Variants in PKIB observed in about 807,000 individuals in gnomAD.
PKIB encodes cAMP-dependent protein kinase inhibitor beta, also known as PKI-beta.
Under a neutral mutation model 4.5 loss-of-function variants are expected in PKIB, and 2 were observed. The observed-to-expected ratio is 0.44, with a 90% CI of 0.18 to 1.39. The LOEUF (loss-of-function observed/expected upper bound fraction) is 1.39. PKIB is among the 40% of genes most tolerant of loss of function. The pLI is 0.27. For synonymous variants in PKIB, 38 were observed against 36.0 expected (o/e 1.06, Z -0.20); for missense variants, 94 against 92.6 (o/e 1.02, Z -0.06).
chr6:122,494,845 A>G (rs1282803195), intron 2 of PKIB, among the ~76,000 whole-genome samples: 2 of 151,974 alleles, frequency 1.3e-5, no homozygotes, highest in Non-Finnish European at 2.9e-5. Flanking sequence ...GTGTCCCCAG[A>G]GGATCCACAC....
intron 3 of PKIB, chr6:122,701,630 C>G: frequency 9.5e-7 from 1 of 1,050,968 alleles, no homozygotes. Flanking sequence ...GGTACCCTTG[C>G]CAAATAACTC....
At chr6:122,600,695 G>T (rs1250921159) in intron 3 of PKIB, among the ~76,000 whole-genome samples, 1 of 151,984 alleles carries the variant, frequency 6.6e-6, no homozygotes, top group Non-Finnish European at 1.5e-5. Flanking sequence ...CTATGACCAA[G>T]ACCAACATTA....
At chr6:122,585,641 G>C (rs1219798009) in intron 2 of PKIB, 1 of 152,018 alleles carries the variant, frequency 6.6e-6, no homozygotes, top group Admixed American at 6.6e-5. Context: ...CTATAGAAGT[G>C]AAATTAATTA....
chr6:122,502,531 G>A lies in PKIB; in HGVS notation c.-248+24592G>A, dbSNP rs62424309. ...AGAACAGAAGAGAGAGAGAGTGAAG[G>A]GGGAAGTGCTACACACTTTTAAATA... On this transcript the variant is annotated intron_variant, in intron 2 of 6. Transcript: ENST00000392491. Among the ~76,000 whole-genome samples the A allele has an allele frequency of 1.1e-4, 17 of 151,726 alleles. No homozygotes were observed. In the South Asian group the frequency reaches 3.5e-3, roughly 32 times the overall value.
At chr6:122,599,888 C>T (rs1835472) in intron 3 of PKIB, among the ~76,000 whole-genome samples, 59,816 of 151,764 alleles carry the variant, frequency 0.39, 12,386 homozygotes, top group South Asian at 0.58. Context: ...AGAACTCCAT[C>T]CTTAATATTC....
At chr6:122,619,524 T>C (rs2114784077) in intron 1 of PKIB, among the ~76,000 whole-genome samples, 1 of 152,192 alleles carries the variant, frequency 6.6e-6, no homozygotes. Flanking sequence ...GGAACTTACC[T>C]TTCTCATAGC....
At chr6:122,486,518 A>G (rs975224572) in intron 2 of PKIB, among the ~76,000 whole-genome samples, 4 of 151,982 alleles carry the variant, frequency 2.6e-5, no homozygotes, top group African/African-American at 9.7e-5. Context: ...CTATGTTCCA[A>G]TAGTATCTAA....
chr6:122,654,711 T>C (rs1041427534), intron 2 of PKIB, among the ~76,000 whole-genome samples: 1 of 152,230 alleles, frequency 6.6e-6, no homozygotes, highest in African/African-American at 2.4e-5. Flanking sequence ...TCAGTTGTTA[T>C]ATTTTTCTGT....
chr6:122,681,412 AT>A (rs1582806845), intron 3 of PKIB, among the ~76,000 whole-genome samples: 1 of 152,204 alleles, frequency 6.6e-6, no homozygotes, highest in African/African-American at 2.4e-5. Context: ...GAAAAAGGAC[AT>A]TTCTTTTACA....
intron 3 of PKIB, among the ~76,000 whole-genome samples, chr6:122,592,231 T>C (rs868269042): frequency 2.1e-4 from 32 of 152,090 alleles, no homozygotes; most frequent in Admixed American, 1.2e-3. Flanking sequence ...ATCATTTACA[T>C]AGAGGATAAA....
intron 2 of PKIB, among the ~76,000 whole-genome samples, chr6:122,667,468 C>T (rs372410590): frequency 2.9e-4 from 44 of 152,028 alleles, no homozygotes; most frequent in East Asian, 9.7e-4. Context: ...ACCCGGGAGG[C>T]GGAGCTTGCA....
chr6:122,659,413 T>C (rs1776898885), intron 2 of PKIB, among the ~76,000 whole-genome samples: 1 of 152,206 alleles, frequency 6.6e-6, no homozygotes, highest in Admixed American at 6.5e-5. Context: ...TTGTGCATAA[T>C]CGATCTATGG....
chr6:122,723,396 A>T (rs1189428017), intron 4 of PKIB, among the ~76,000 whole-genome samples: 1 of 152,132 alleles, frequency 6.6e-6, no homozygotes, highest in African/African-American at 2.4e-5. Context: ...GCATTTTCCC[A>T]TCTCTGAGTG....
rs976420718 is a variant in PKIB at position 122,614,323 on chromosome 6, A to G, written c.-161+3788A>G. ...AAGGAAATGGAGATTCTTTAAGACA[A>G]TGTGGTCTGTAGCCAAGATAGTTTT... is the stretch of plus-strand genomic sequence containing the variant. On this transcript the variant is annotated intron_variant, in intron 1 of 4. Transcript: ENST00000368452. Among the ~76,000 whole-genome samples the G allele has an allele frequency of 7.2e-5, 11 of 152,210 alleles. 1 individual carries two copies. The South Asian group carries it at 8.3e-4, about 11-fold the overall frequency.
At chr6:122,644,879 T>C (rs1170667884) in intron 2 of PKIB, 1 of 152,234 alleles carries the variant, frequency 6.6e-6, no homozygotes, top group Non-Finnish European at 1.5e-5. Flanking sequence ...AGGACTGCTT[T>C]AAAAACTAGC....
intron 2 of PKIB, among the ~76,000 whole-genome samples, chr6:122,497,407 C>A (rs1776104139): frequency 6.6e-6 from 1 of 152,002 alleles, no homozygotes; most frequent in Non-Finnish European, 1.5e-5. Context: ...GTATTCACAC[C>A]CTACTTAGAA....
At chr6:122,604,250 C>T (rs562347629) in intron 3 of PKIB, among the ~76,000 whole-genome samples, 70 of 152,140 alleles carry the variant, frequency 4.6e-4, no homozygotes, top group Non-Finnish European at 6.9e-4. Context: ...ATGTCAAAAA[C>T]TTAAGAGAAT....
chr6:122,501,949 T>A (rs13215366), intron 2 of PKIB, among the ~76,000 whole-genome samples: 316 of 136,980 alleles, frequency 2.3e-3, no homozygotes, highest in South Asian at 0.018. Context: ...TTTTTTTTTT[T>A]AATTTTATTT....
At chr6:122,681,073 C>T (rs964558289) in intron 3 of PKIB, among the ~76,000 whole-genome samples, 1 of 152,156 alleles carries the variant, frequency 6.6e-6, no homozygotes, top group Non-Finnish European at 1.5e-5. Context: ...TACCTCAATA[C>T]CAGTTAACTA....
Sources: gnomAD v4.1 joint callset for allele counts (sites outside exome capture counted in the v4.1 genomes callset) on GRCh38, gnomAD v4.1.1 for gene constraint, MANE v1.5 for transcripts, NCBI Gene and HGNC (gene_info 2026-07-23, HGNC 2026-07-21) for gene names.